Variants in PLXNC1 observed in about 807,000 individuals in gnomAD.
PLXNC1 encodes plexin-C1.
Under a neutral mutation model 178.2 loss-of-function variants are expected in PLXNC1, and 75 were observed. The observed-to-expected ratio is 0.42, with a 90% CI of 0.35 to 0.51. The LOEUF is 0.51. PLXNC1 is among the 20% of genes least tolerant of loss of function. The pLI, the probability that PLXNC1 is intolerant of heterozygous loss-of-function variation, is 0.02. For synonymous variants in PLXNC1, 790 were observed against 779.9 expected (o/e 1.01, Z -0.22); for missense variants, 1,503 against 1,984.4 (o/e 0.76, Z 4.61).
In PLXNC1 at chr12:94,301,024, T is replaced by C. The variant is rs1216178610; in HGVS notation, c.4353T>C (p.Asp1451=). 19 of 1,613,818 alleles carry C rather than the reference T, an allele frequency of 1.2e-5. No individual in the cohort carries two copies. The highest frequency in any genetic ancestry group is 1.5e-5 in the Non-Finnish European group (18 of 1,179,844). The change falls in exon 28 of 31, where the codon GAT becomes GAC. Residue 1451 remains aspartate (D), a synonymous_variant. Transcript: ENST00000258526. Reference sequence around the variant, plus strand: ...CAGTGATTGCCCAGGCATTCATGGATGCATTTTCTCTCACAGAGCAGCAAC... The same window carrying C: ...CAGTGATTGCCCAGGCATTCATGGACGCATTTTCTCTCACAGAGCAGCAAC... The part of the protein sequence containing the change: ...CLSVIAQAFM[D]AFSLTEQQLG...
At chr12:94,242,854 G>T (rs1245669000) in intron 11 of PLXNC1, among the ~76,000 whole-genome samples, 2 of 152,288 alleles carry the variant, frequency 1.3e-5, no homozygotes, top group African/African-American at 2.4e-5. Flanking sequence ...GGGAGGAAAA[G>T]GGTTCAAACA....
intron 15 of PLXNC1, among the ~76,000 whole-genome samples, chr12:94,252,900 G>C (rs1342958318): frequency 6.6e-6 from 1 of 152,104 alleles, no homozygotes; most frequent in African/African-American, 2.4e-5. Flanking sequence ...CTTTGAAAAA[G>C]GAACTCTTAT....
At chr12:94,166,660 A>G (rs1961623906) in intron 1 of PLXNC1, among the ~76,000 whole-genome samples, 1 of 151,988 alleles carries the variant, frequency 6.6e-6, no homozygotes, top group Non-Finnish European at 1.5e-5. Flanking sequence ...GCATTAAATT[A>G]ATTGCCCAGG....
intron 23 of PLXNC1, among the ~76,000 whole-genome samples, chr12:94,292,056 TCTTTC>T (rs1967394414): frequency 6.6e-6 from 1 of 152,234 alleles, no homozygotes; most frequent in Admixed American, 6.5e-5. Context: ...TATCGGTAAT[TCTTTC>T]CTTTTATTGT....
At chr12:94,213,639 A>G (rs1219041598) in intron 5 of PLXNC1, among the ~76,000 whole-genome samples, 1 of 152,218 alleles carries the variant, frequency 6.6e-6, no homozygotes, top group Non-Finnish European at 1.5e-5. Flanking sequence ...TTTGCCGTGC[A>G]GAAGCTCTTT....
chr12:94,236,624 A>G (rs1369669398), intron 9 of PLXNC1, among the ~76,000 whole-genome samples: 2 of 151,572 alleles, frequency 1.3e-5, no homozygotes, highest in African/African-American at 4.9e-5. Flanking sequence ...ATCAAGACTG[A>G]GTATATTCTG....
chr12:94,155,306 G>A (rs753873779), intron 1 of PLXNC1, among the ~76,000 whole-genome samples: 5 of 152,192 alleles, frequency 3.3e-5, no homozygotes, highest in Non-Finnish European at 4.4e-5. Flanking sequence ...TATCACCTGG[G>A]AACTTGCTAG....
At chr12:94,265,868 C>T (rs1965204925) in intron 21 of PLXNC1, among the ~76,000 whole-genome samples, 1 of 152,090 alleles carries the variant, frequency 6.6e-6, no homozygotes, top group Admixed American at 6.6e-5. Flanking sequence ...CATGCTCTTC[C>T]TAAAGAAAGA....
chr12:94,212,931 A>T (rs1365706717), intron 5 of PLXNC1, among the ~76,000 whole-genome samples: 5 of 151,950 alleles, frequency 3.3e-5, no homozygotes, highest in Non-Finnish European at 7.4e-5. Flanking sequence ...GTGTTGGCCA[A>T]GATGGTCTCA....
chr12:94,169,067 G>T (rs2135940076), intron 1 of PLXNC1, 86 bp from the exon 2 acceptor site: 1 of 1,225,890 alleles, frequency 8.2e-7, no homozygotes, highest in Non-Finnish European at 1.2e-6. Context: ...GCCTAGGAGG[G>T]CATGAGTGAC....
intron 23 of PLXNC1, among the ~76,000 whole-genome samples, chr12:94,286,170 T>C (rs887306053): frequency 3.9e-5 from 6 of 152,210 alleles, no homozygotes; most frequent in Non-Finnish European, 8.8e-5. Flanking sequence ...AAATGATTTA[T>C]TGGCCTCATA....
intron 1 of PLXNC1, among the ~76,000 whole-genome samples, chr12:94,158,416 C>T (rs914272311): frequency 1.3e-5 from 2 of 152,166 alleles, no homozygotes; most frequent in Admixed American, 1.3e-4. Flanking sequence ...TGGATTTTAT[C>T]CTGATGGTTG....
intron 30 of PLXNC1, 38 bp downstream of exon 30, chr12:94,304,089 C>T: frequency 1.0e-5 from 13 of 1,252,334 alleles, no homozygotes; most frequent in Non-Finnish European, 1.5e-5. Flanking sequence ...ACCTTTGAAT[C>T]AGGCACAAGG....
Position 94,305,287 on chromosome 12 carries a change from C to T in PLXNC1, c.*2C>T, listed in dbSNP as rs1309883818. On this transcript the variant is annotated 3_prime_UTR_variant, in exon 31 of 31. Coordinates refer to ENST00000258526, the MANE Select transcript of PLXNC1 (RefSeq NM_005761.3). ...AAGAAGAAATGCAAGTGGATGTAAG[C>T]ACTCTGGGGCCTGGCTTAATCTGGC... is the stretch of plus-strand genomic sequence containing the variant. 6.3e-7 allele frequency: 1 copy of T among 1,579,248 alleles called. No individual in the cohort carries two copies. Among genetic ancestry groups the T allele is most frequent in the African/African-American group, 1.4e-5 (1 of 73,936 alleles).
chr12:94,273,459 T>G (rs1029746168), intron 21 of PLXNC1, among the ~76,000 whole-genome samples: 1 of 152,116 alleles, frequency 6.6e-6, no homozygotes, highest in African/African-American at 2.4e-5. Context: ...TCTAGGGGCC[T>G]CCCTCATGAA....
chr12:94,239,709 G>A (rs752812330), intron 10 of PLXNC1, among the ~76,000 whole-genome samples: 5 of 152,224 alleles, frequency 3.3e-5, no homozygotes, highest in African/African-American at 7.2e-5. Flanking sequence ...CTGAAAGGGC[G>A]CCAAGCATCA....
intron 23 of PLXNC1, among the ~76,000 whole-genome samples, chr12:94,290,295 G>C (rs1025730624): frequency 6.6e-6 from 1 of 152,234 alleles, no homozygotes; most frequent in Non-Finnish European, 1.5e-5. Context: ...CTCGGTGTCT[G>C]AGTATTGCTA....
chr12:94,242,842 G>T (rs1226856591), intron 11 of PLXNC1, among the ~76,000 whole-genome samples: 1 of 152,144 alleles, frequency 6.6e-6, no homozygotes, highest in Non-Finnish European at 1.5e-5. Flanking sequence ...TGAGGGAACT[G>T]GGGGAGGAAA....
intron 4 of PLXNC1, among the ~76,000 whole-genome samples, chr12:94,198,080 T>A (rs1032877463): frequency 6.6e-6 from 1 of 152,198 alleles, no homozygotes; most frequent in Admixed American, 6.5e-5. Context: ...TCCACACGTA[T>A]GTTCATTGCA....
Sources: gnomAD v4.1 joint callset for allele counts (sites outside exome capture counted in the v4.1 genomes callset) on GRCh38, gnomAD v4.1.1 for gene constraint, MANE v1.5 for transcripts, NCBI Gene and HGNC (gene_info 2026-07-23, HGNC 2026-07-21) for gene names.